The following ASB18 variants were observed in gnomAD, a reference collection of about 807,000 sequenced individuals.
The protein encoded by ASB18 is ankyrin repeat and SOCS box protein 18.
Under a neutral mutation model 33.4 loss-of-function variants are expected in ASB18, and 33 were observed. That is an observed-to-expected ratio of 0.99 (90% CI 0.75 to 1.32). ASB18 has a LOEUF of 1.32. Ranked by LOEUF, ASB18 falls within the 40% of genes most tolerant of loss-of-function variation. The pLI is 0.00. For synonymous variants in ASB18, 295 were observed against 307.6 expected, an observed-to-expected ratio of 0.96 and a Z score of 0.43; for missense variants, 694 against 655.5, an observed-to-expected ratio of 1.06 and a Z score of -0.64.
rs1368315011 is a variant in ASB18, at chr2:236,253,985, G to C, written c.205+10156C>G. ...TACATCTTTAGGCCTTTGGATGCCT[G>C]TTATAAAATTTAAACTGTGTTTTGG... On this transcript the variant is annotated intron_variant, in intron 1 of 5. Coordinates refer to ENST00000409749, the MANE Select transcript of ASB18 (RefSeq NM_212556.4). This position sits in a 1 kb window ranked among gnomAD's most constrained non-coding sequence, Gnocchi z 5.4. 1 of 152,084 alleles carries C rather than the reference G, an allele frequency of 6.6e-6. No homozygotes were observed. The highest frequency in any genetic ancestry group is 1.5e-5 in the Non-Finnish European group (1 of 68,026). The allele number at this position is 152,084 out of a possible 1,614,324, so 9.4% of individuals were successfully genotyped here. A position where few individuals can be genotyped will look rare whatever the true frequency, so the allele number is the denominator to read the frequency against.
In ASB18 at chr2:236,252,309, A is replaced by ACACACG. The variant is rs71039721; in HGVS notation, c.206-10908_206-10907insCGTGTG. Among the ~76,000 whole-genome samples the ACACACG allele has an allele frequency of 2.9e-4, 43 of 149,056 alleles. No homozygotes were observed. Among genetic ancestry groups the ACACACG allele is most frequent in the Non-Finnish European group, 2.8e-4 (19 of 67,534 alleles). The stretch of plus-strand genomic sequence containing the variant: ...CACACACACACACACACACACACAC[A>ACACACG]GTAGAAATCCTTGCCTTTAAGGAGT... On this transcript the variant is annotated intron_variant, in intron 1 of 5. Coordinates refer to ENST00000409749, the MANE Select transcript of ASB18 (RefSeq NM_212556.4). The surrounding 1 kb of genome is among the most constrained non-coding windows in gnomAD (Gnocchi z 7.9).
rs2060717195 is a variant in ASB18 at position 236,261,315 on chromosome 2, A to C, written c.205+2826T>G. On this transcript the variant is annotated intron_variant, in intron 1 of 5. Transcript: ENST00000409749. Reference sequence around the variant, plus strand: ...TTTGTGTCTTCCTTTGCATTGGCTTAGACTCTTGCCATCTCTCACCTGGGC... The same window carrying C: ...TTTGTGTCTTCCTTTGCATTGGCTTCGACTCTTGCCATCTCTCACCTGGGC... Among the ~76,000 whole-genome samples, 3 of 152,172 alleles carry C rather than the reference A, an allele frequency of 2.0e-5. No homozygotes were observed. In the South Asian group the frequency reaches 6.2e-4, roughly 32 times the overall value.
rs1466915717 is a variant in ASB18, at chr2:236,214,716, G to A, written c.747C>T (p.Asn249=). The part of the protein sequence containing the change: ...LGRGAHVDAR[N]GRGETALSAA... ...CGCTCAGAGCCGTCTCTCCGCGGCCGTTCCTCGCGTCCACGTGCGCCCCGC... is the reference window on the plus strand; with the variant it reads ...CGCTCAGAGCCGTCTCTCCGCGGCCATTCCTCGCGTCCACGTGCGCCCCGC... The change falls in exon 4 of 6, where the codon AAC becomes AAT. Residue 249 remains asparagine (N), a synonymous_variant. Coordinates refer to ENST00000409749, the MANE Select transcript of ASB18 (RefSeq NM_212556.4). The surrounding 1 kb of genome is among the most constrained non-coding windows in gnomAD (Gnocchi z 6.5). The A allele has an allele frequency of 2.6e-6, 3 of 1,156,214 alleles. No individual in the cohort carries two copies. The highest frequency in any genetic ancestry group is 3.2e-6 in the Non-Finnish European group (3 of 940,292). The allele number at this position is 1,156,214 out of a possible 1,614,324, so 71.6% of individuals were successfully genotyped here. A position where few individuals can be genotyped will look rare whatever the true frequency, so the allele number is the denominator to read the frequency against.
chr2:236,210,179 C>T (rs922715560), intron 4 of ASB18, among the ~76,000 whole-genome samples: 1 of 152,204 alleles, frequency 6.6e-6, no homozygotes, highest in African/African-American at 2.4e-5. Flanking sequence ...CTCACTGTGA[C>T]TCCAGTACCA....
Position 236,253,224 on chromosome 2 carries a change from T to G in ASB18, c.205+10917A>C, listed in dbSNP as rs955286405. On this transcript the variant is annotated intron_variant, in intron 1 of 5. Coordinates refer to ENST00000409749, the MANE Select transcript of ASB18 (RefSeq NM_212556.4). This position sits in a 1 kb window ranked among gnomAD's most constrained non-coding sequence, Gnocchi z 5.4. The stretch of plus-strand genomic sequence containing the variant: ...CAGGAAGCAGCAGAAGAGGCAGATG[T>G]GCAAACGCCAGGAAGGGACTGCGGA... 1.1e-4 allele frequency among the ~76,000 whole-genome samples: 16 copies of G among 152,148 alleles called. No individual in the cohort carries two copies. The highest frequency in any genetic ancestry group is 7.3e-5 in the Non-Finnish European group (5 of 68,032).
chr2:236,216,487 C>A lies in ASB18; in HGVS notation c.597-1621G>T, dbSNP rs540577781. ...TTGATCATCTTGGCCCAGAGTTAGT[C>A]GTCTTTGGCTTATTTGGGGTCTTGC... On this transcript the variant is annotated intron_variant, in intron 3 of 5. Coordinates refer to ENST00000409749, the MANE Select transcript of ASB18 (RefSeq NM_212556.4). The surrounding 1 kb of genome is among the most constrained non-coding windows in gnomAD (Gnocchi z 6.1). Among the ~76,000 whole-genome samples the A allele has an allele frequency of 6.6e-6, 1 of 152,186 alleles. No individual in the cohort carries two copies. The highest frequency in any genetic ancestry group is 1.5e-5 in the Non-Finnish European group (1 of 68,026).
At position 236,216,131 on chromosome 2, in the gene ASB18, C is replaced by T. The variant is rs1431455166; in HGVS notation, c.597-1265G>A. On this transcript the variant is annotated intron_variant, in intron 3 of 5. Transcript: ENST00000409749. The surrounding 1 kb of genome is among the most constrained non-coding windows in gnomAD (Gnocchi z 6.1). Reference sequence around the variant, plus strand: ...CCATTCTTCACCCCCCTCCTTTTCTCTGCGGGTCTGCCGAGCCCTGTTGGA... The same window carrying T: ...CCATTCTTCACCCCCCTCCTTTTCTTTGCGGGTCTGCCGAGCCCTGTTGGA... Among the ~76,000 whole-genome samples, 2 of 152,172 alleles carry T rather than the reference C, an allele frequency of 1.3e-5. No individual in the cohort carries two copies. The highest frequency in any genetic ancestry group is 2.9e-5 in the Non-Finnish European group (2 of 68,016).
chr2:236,239,795 C>T lies in ASB18; in HGVS notation c.328+1485G>A, dbSNP rs2060612947. ...CTTTTCATGGGAGAGCACATGGGGC[C>T]ACTGCTTTCAAACAGGGTCTGGTCG... On this transcript the variant is annotated intron_variant, in intron 2 of 5. Coordinates refer to ENST00000409749, the MANE Select transcript of ASB18 (RefSeq NM_212556.4). The surrounding 1 kb of genome is among the most constrained non-coding windows in gnomAD (Gnocchi z 5.6). 6.6e-6 allele frequency among the ~76,000 whole-genome samples: 1 copy of T among 152,226 alleles called. No individual in the cohort carries two copies. Among genetic ancestry groups the T allele is most frequent in the South Asian group, 2.1e-4 (1 of 4,826 alleles).
Position 236,229,766 on chromosome 2 carries a change from G to A in ASB18, c.596+7923C>T, listed in dbSNP as rs565589520. ...TGAGGCAGGAGAATCATGTGAATCC[G>A]GGAAGCAGAGGTTGCAGTGAGCTGA... On this transcript the variant is annotated intron_variant, in intron 3 of 5. Transcript: ENST00000409749. The surrounding 1 kb of genome is among the most constrained non-coding windows in gnomAD (Gnocchi z 5.2). Among the ~76,000 whole-genome samples the A allele has an allele frequency of 1.4e-4, 22 of 152,164 alleles. No individual in the cohort carries two copies. In the South Asian group the frequency reaches 2.1e-3, roughly 14 times the overall value.
In ASB18 at chr2:236,260,532, C is replaced by T. The variant is rs898832714; in HGVS notation, c.205+3609G>A. Among the ~76,000 whole-genome samples, 6 of 152,210 alleles carry T rather than the reference C, an allele frequency of 3.9e-5. No homozygotes were observed. The highest frequency in any genetic ancestry group is 2.1e-4 in the South Asian group (1 of 4,834). ...CCATCAAGGATGGTCCCCCCAAACTCGCCCTTACCTTGAGAAAGAGAACAT... is the reference window on the plus strand; with the variant it reads ...CCATCAAGGATGGTCCCCCCAAACTTGCCCTTACCTTGAGAAAGAGAACAT... On this transcript the variant is annotated intron_variant, in intron 1 of 5. Coordinates refer to ENST00000409749, the MANE Select transcript of ASB18 (RefSeq NM_212556.4). This position sits in a 1 kb window ranked among gnomAD's most constrained non-coding sequence, Gnocchi z 5.1.
At position 236,214,456 on chromosome 2, in the gene ASB18, G is replaced by A; in HGVS notation, c.1007C>T (p.Thr336Ile). 2.0e-6 allele frequency: 3 copies of A among 1,532,090 alleles called. No homozygotes were observed. Among genetic ancestry groups the A allele is most frequent in the Non-Finnish European group, 2.6e-6 (3 of 1,146,070 alleles). The allele number at this position is 1,532,090 out of a possible 1,614,324, so 94.9% of individuals were successfully genotyped here. ...TGAGGCCTGGAGAGCGCAGGATGCG[G>A]TCTGGAGCACGCGGCCCAGCGGCGA... ...GASPLGRVLQ[T>I]ASCALQASPQ... Residue 336 changes from threonine (T) to isoleucine (I), a missense_variant, in exon 4 of 6, where the codon ACC becomes ATC. Physicochemically the swap from Thr to Ile is moderately conservative, Grantham distance 89. Transcript: ENST00000409749. The surrounding 1 kb of genome is among the most constrained non-coding windows in gnomAD (Gnocchi z 6.5).
In ASB18 at chr2:236,245,699, G is replaced by T. The variant is rs1433592563; in HGVS notation, c.206-4297C>A. On this transcript the variant is annotated intron_variant, in intron 1 of 5. Transcript: ENST00000409749. This position sits in a 1 kb window ranked among gnomAD's most constrained non-coding sequence, Gnocchi z 4.7. ...GCTCTACTATTACTGCTGGTTCCTT[G>T]TCTGTGTCCCACTTCACCATGAGCT... Among the ~76,000 whole-genome samples, 1 of 152,108 alleles carries T rather than the reference G, an allele frequency of 6.6e-6. No individual in the cohort carries two copies. The highest frequency in any genetic ancestry group is 6.5e-5 in the Admixed American group (1 of 15,278).
rs960445851 is a variant in ASB18 at position 236,203,613 on chromosome 2, C to A, written c.1102-7228G>T. On this transcript the variant is annotated intron_variant, in intron 4 of 5. Transcript: ENST00000409749. The surrounding 1 kb of genome is among the most constrained non-coding windows in gnomAD (Gnocchi z 6.0). ...GGGTGTGGTGGCTCATGCCTGTAAT[C>A]CCAGCACTTTGGGAAGCCAAGGCAG... is the stretch of plus-strand genomic sequence containing the variant. Among the ~76,000 whole-genome samples, 1 of 151,964 alleles carries A rather than the reference C, an allele frequency of 6.6e-6. No homozygotes were observed. The highest frequency in any genetic ancestry group is 6.6e-5 in the Admixed American group (1 of 15,264).
rs1204593646 is a variant in ASB18, at chr2:236,223,915, A to C, written c.597-9049T>G. Reference sequence around the variant, plus strand: ...TATGGATATACCACAATTTTAAGCCATTTTCCCATTGATATTGATGGACAT... The same window carrying C: ...TATGGATATACCACAATTTTAAGCCCTTTTCCCATTGATATTGATGGACAT... On this transcript the variant is annotated intron_variant, in intron 3 of 5. Transcript: ENST00000409749. This position sits in a 1 kb window ranked among gnomAD's most constrained non-coding sequence, Gnocchi z 4.6. Among the ~76,000 whole-genome samples the C allele has an allele frequency of 6.6e-6, 1 of 151,950 alleles. No individual in the cohort carries two copies. Among genetic ancestry groups the C allele is most frequent in the African/African-American group, 2.4e-5 (1 of 41,340 alleles).
rs182798454 is a variant in ASB18 at position 236,234,581 on chromosome 2, A to G, written c.596+3108T>C. On this transcript the variant is annotated intron_variant, in intron 3 of 5. Coordinates refer to ENST00000409749, the MANE Select transcript of ASB18 (RefSeq NM_212556.4). This position sits in a 1 kb window ranked among gnomAD's most constrained non-coding sequence, Gnocchi z 4.1. ...AGTCAGACTTTGCCCTGCTTTGCAC[A>G]TGCTTGACAAGAGAGCTCAGAAATA... is the stretch of plus-strand genomic sequence containing the variant. Among the ~76,000 whole-genome samples, 19 of 152,308 alleles carry G rather than the reference A, an allele frequency of 1.2e-4. No homozygotes were observed. Among genetic ancestry groups the G allele is most frequent in the African/African-American group, 4.6e-4 (19 of 41,556 alleles).
chr2:236,237,857 C>T lies in ASB18; in HGVS notation c.428G>A (p.Gly143Asp). Residue 143 changes from glycine to aspartate, a missense_variant, in exon 3 of 6, where the codon GGC (glycine) becomes GAC (aspartate). Transcript: ENST00000409749. This position sits in a 1 kb window ranked among gnomAD's most constrained non-coding sequence, Gnocchi z 6.2. ...TACVRHLLGR[G>D]ADPDASPGGR... ...GCCGGGGCTGGCGTCTGGGTCTGCG[C>T]CGCGGCCGAGCAGGTGTCGCACGCA... is the stretch of plus-strand genomic sequence containing the variant. 6.9e-7 allele frequency: 1 copy of T among 1,454,364 alleles called. No individual in the cohort carries two copies. Among genetic ancestry groups the T allele is most frequent in the Non-Finnish European group, 9.0e-7 (1 of 1,112,574 alleles). 90.1% of individuals were successfully genotyped at this position (1,454,364 alleles called of 1,614,324 possible).
rs1287655787 is a variant in ASB18 at position 236,241,207 on chromosome 2, G to T, written c.328+73C>A. 8 of 1,477,274 alleles carry T rather than the reference G, an allele frequency of 5.4e-6. No homozygotes were observed. The highest frequency in any genetic ancestry group is 6.6e-6 in the Non-Finnish European group (7 of 1,066,022). 91.5% of individuals were successfully genotyped at this position (1,477,274 alleles called of 1,614,324 possible). ...TGCCACTGTGCCCAGTCTACACACGGGAGCCTTACACTCCCAGAGAGTATT... is the reference window on the plus strand; with the variant it reads ...TGCCACTGTGCCCAGTCTACACACGTGAGCCTTACACTCCCAGAGAGTATT... On this transcript the variant is annotated intron_variant, in intron 2 of 5. Transcript: ENST00000409749. This position sits in a 1 kb window ranked among gnomAD's most constrained non-coding sequence, Gnocchi z 4.2.
chr2:236,235,318 CA>C lies in ASB18; in HGVS notation c.596+2370del, dbSNP rs1217896390. 1.3e-5 allele frequency among the ~76,000 whole-genome samples: 2 copies of C among 152,196 alleles called. No individual in the cohort carries two copies. Among genetic ancestry groups the C allele is most frequent in the Non-Finnish European group, 2.9e-5 (2 of 68,042 alleles). ...GTATTCAGTACAGTAGCATGCTGTC[CA>C]GGTTTGTAGCCTGGGAGCCAGAGGC... On this transcript the variant is annotated intron_variant, in intron 3 of 5. Transcript: ENST00000409749. This position sits in a 1 kb window ranked among gnomAD's most constrained non-coding sequence, Gnocchi z 6.2.
At position 236,195,564 on chromosome 2, in the gene ASB18, G is replaced by A. The variant is rs1054723520; in HGVS notation, c.1216-507C>T. 2.7e-5 allele frequency among the ~76,000 whole-genome samples: 4 copies of A among 150,804 alleles called. No homozygotes were observed. Among genetic ancestry groups the A allele is most frequent in the African/African-American group, 9.8e-5 (4 of 40,902 alleles). On this transcript the variant is annotated intron_variant, in intron 5 of 5. Transcript: ENST00000409749. This position sits in a 1 kb window ranked among gnomAD's most constrained non-coding sequence, Gnocchi z 5.5. Reference sequence around the variant, plus strand: ...GGAGTCTAGCTCTGTCACCCAGGCTGGAGTGCAGTGGCGTGATCCCAGCTT... The same window carrying A: ...GGAGTCTAGCTCTGTCACCCAGGCTAGAGTGCAGTGGCGTGATCCCAGCTT...
Sources: gnomAD v4.1 joint callset for allele counts (sites outside exome capture counted in the v4.1 genomes callset) on GRCh38, gnomAD v4.1.1 for gene constraint, Gnocchi (gnomAD v3.1) non-coding constraint, MANE v1.5 for transcripts, NCBI Gene and HGNC (gene_info 2026-07-23, HGNC 2026-07-21) for gene names.